CD47: variants seen among roughly 807,000 people sequenced by gnomAD.
CD47 encodes the protein leukocyte surface antigen CD47.
CD47 carries 11 observed loss-of-function variants against 44.6 expected under a neutral mutation model. The ratio of observed to expected loss-of-function variants is 0.25; its 90% CI spans 0.16 to 0.41. The LOEUF (loss-of-function observed/expected upper bound fraction) is 0.41. CD47 is among the 10% of genes least tolerant of loss of function. The pLI is 1.00. For synonymous variants in CD47, 140 were observed against 136.3 expected (o/e 1.03, Z -0.19); for missense variants, 306 against 386.7 (o/e 0.79, Z 1.75).
At position 108,051,977 on chromosome 3, in the gene CD47, T is replaced by C. The variant is rs781757166; in HGVS notation, c.878-7A>G. On this transcript the variant is annotated splice_polypyrimidine_tract_variant and splice_region_variant and intron_variant, in intron 7 of 10. Coordinates refer to ENST00000361309, the MANE Select transcript of CD47 (RefSeq NM_001777.4). ...ATAGTCTTCTGATTGGAAGCTGATATAAATAACAAATAAGAATATAAATTT... is the reference window on the plus strand; with the variant it reads ...ATAGTCTTCTGATTGGAAGCTGATACAAATAACAAATAAGAATATAAATTT... 1.6e-6 allele frequency: 2 copies of C among 1,247,958 alleles called. No individual in the cohort carries two copies. Among genetic ancestry groups the C allele is most frequent in the South Asian group, 2.5e-5 (2 of 80,840 alleles). 77.3% of individuals were successfully genotyped at this position (1,247,958 alleles called of 1,614,324 possible).
At chr3:108,056,241 T>G (rs1243782484) in intron 7 of CD47, among the ~76,000 whole-genome samples, 1 of 152,256 alleles carries the variant, frequency 6.6e-6, no homozygotes, top group Non-Finnish European at 1.5e-5. Context: ...CATTGTATTT[T>G]ATGGCATTAT....
In CD47 at chr3:108,046,702, C is replaced by T. The variant is rs2078727375; in HGVS notation, c.*586G>A. The stretch of plus-strand genomic sequence containing the variant: ...CCCCCAAGAATGAGGACCACTATCT[C>T]CATCAATATCACATCATACGGAGAT... On this transcript the variant is annotated 3_prime_UTR_variant, in exon 11 of 11. Transcript: ENST00000361309. 6.6e-6 allele frequency: 1 copy of T among 152,208 alleles called. No individual in the cohort carries two copies. Among genetic ancestry groups the T allele is most frequent in the Non-Finnish European group, 1.5e-5 (1 of 68,044 alleles). The allele number at this position is 152,208 out of a possible 1,614,324, so 9.4% of individuals were successfully genotyped here.
chr3:108,087,577 A>T (rs1301256817), intron 1 of CD47, among the ~76,000 whole-genome samples: 2 of 152,302 alleles, frequency 1.3e-5, no homozygotes, highest in Middle Eastern at 3.4e-3. Flanking sequence ...AGGGCTTTGC[A>T]AACTGCTTGG....
At chr3:108,090,128 C>CT (rs1407544456) in intron 1 of CD47, among the ~76,000 whole-genome samples, 7 of 152,076 alleles carry the variant, frequency 4.6e-5, no homozygotes, top group Admixed American at 1.3e-4. Context: ...TAAAACGGTT[C>CT]CCCCAAATAA....
At chr3:108,054,204 G>A (rs1422318832) in intron 7 of CD47, 1 of 152,208 alleles carries the variant, frequency 6.6e-6, no homozygotes, top group African/African-American at 2.4e-5. Context: ...TCAACATAAT[G>A]AGACCCTGTC....
At chr3:108,075,548 G>A (rs1159895237) in intron 2 of CD47, among the ~76,000 whole-genome samples, 1 of 152,054 alleles carries the variant, frequency 6.6e-6, no homozygotes. Flanking sequence ...TTTCTGATGT[G>A]TCGACTTGCT....
chr3:108,060,515 G>C (rs1346756243), intron 4 of CD47, among the ~76,000 whole-genome samples: 2 of 152,216 alleles, frequency 1.3e-5, no homozygotes, highest in African/African-American at 4.8e-5. Flanking sequence ...CCAGAAGCTA[G>C]AAGAGCCAAG....
intron 3 of CD47, among the ~76,000 whole-genome samples, chr3:108,068,769 C>G (rs1314014445): frequency 6.6e-6 from 1 of 152,158 alleles, no homozygotes; most frequent in Admixed American, 6.5e-5. Context: ...ACCTGTCAAG[C>G]AGAGCAAGAG....
intron 10 of CD47, among the ~76,000 whole-genome samples, 170 bp downstream of exon 10, chr3:108,049,449 T>C (rs1018633802): frequency 6.6e-6 from 1 of 152,236 alleles, no homozygotes; most frequent in African/African-American, 2.4e-5. Context: ...GTAGTAGTTT[T>C]GCAATTTTTA....
intron 1 of CD47, among the ~76,000 whole-genome samples, chr3:108,090,239 G>T (rs2079604874): frequency 6.7e-6 from 1 of 150,320 alleles, no homozygotes; most frequent in African/African-American, 2.4e-5. Context: ...TTATTTTTAG[G>T]ATTAAAAACG....
intron 2 of CD47, among the ~76,000 whole-genome samples, chr3:108,072,821 C>T (rs918870750): frequency 6.6e-6 from 1 of 152,062 alleles, no homozygotes; most frequent in African/African-American, 2.4e-5. Flanking sequence ...TTCCTTACTT[C>T]CCCTGTGCTT....
At chr3:108,090,788 G>C in intron 1 of CD47, 75 bp downstream of exon 1, 1 of 1,347,362 alleles carries the variant, frequency 7.4e-7, no homozygotes. Context: ...CCGCCGGGCT[G>C]GCTGGGGCGC....
At chr3:108,090,796 C>T (rs1277334562) in intron 1 of CD47, 67 bp downstream of exon 1, 2 of 1,382,068 alleles carry the variant, frequency 1.4e-6, no homozygotes, top group African/African-American at 1.5e-5. Context: ...CTGGCTGGGG[C>T]GCAGCCCACA....
chr3:108,077,183 T>C (rs1029283198), intron 2 of CD47, among the ~76,000 whole-genome samples: 1 of 152,194 alleles, frequency 6.6e-6, no homozygotes, highest in Non-Finnish European at 1.5e-5. Flanking sequence ...TTCTCATTTA[T>C]GCCTGTATTT....
chr3:108,058,782 C>G (rs774342470), intron 5 of CD47, among the ~76,000 whole-genome samples: 5 of 152,172 alleles, frequency 3.3e-5, no homozygotes, highest in Non-Finnish European at 5.9e-5. Context: ...CTGAGGGAAC[C>G]ATTATGCAAA....
intron 9 of CD47, 65 bp downstream of exon 9, chr3:108,050,512 TA>T: frequency 1.3e-6 from 1 of 751,276 alleles, no homozygotes; most frequent in Non-Finnish European, 2.3e-6. Flanking sequence ...CAGGGCATTC[TA>T]ACTGTTTTGC....
chr3:108,050,809 T>TA (rs2078813922), intron 8 of CD47: 2 of 524,614 alleles, frequency 3.8e-6, no homozygotes, highest in Non-Finnish European at 3.6e-6. Flanking sequence ...ATAATAACTG[T>TA]ATTATTCTCT....
intron 2 of CD47, among the ~76,000 whole-genome samples, chr3:108,078,622 AC>A (rs2079355325): frequency 6.6e-6 from 1 of 152,042 alleles, no homozygotes; most frequent in Non-Finnish European, 1.5e-5. Flanking sequence ...CTTAACAACA[AC>A]AAAAAAAGCT....
At chr3:108,048,650 C>G (rs2078765756) in intron 10 of CD47, among the ~76,000 whole-genome samples, 1 of 152,096 alleles carries the variant, frequency 6.6e-6, no homozygotes, top group African/African-American at 2.4e-5. Flanking sequence ...TCCCAAAGTG[C>G]TGGGATTACA....
Sources: gnomAD v4.1 joint callset for allele counts (sites outside exome capture counted in the v4.1 genomes callset) on GRCh38, gnomAD v4.1.1 for gene constraint, MANE v1.5 for transcripts, NCBI Gene and HGNC (gene_info 2026-07-23, HGNC 2026-07-21) for gene names.